Variants in TENM1 observed in about 807,000 individuals in gnomAD.
TENM1 encodes teneurin transmembrane protein 1.
A neutral mutation model predicts 174.8 loss-of-function variants in TENM1; 35 were observed. The ratio of observed to expected loss-of-function variants is 0.20; its 90% CI spans 0.15 to 0.27. The LOEUF is 0.27. TENM1 is among the 10% of genes least tolerant of loss of function. The pLI, the probability that TENM1 is intolerant of heterozygous loss-of-function variation, is 1.00. For missense variants in TENM1, 1,633 were observed against 2,130.1 expected (o/e 0.77, Z 4.59); for synonymous variants, 781 against 798.7 (o/e 0.98, Z 0.37).
intron 23 of TENM1, among the ~76,000 whole-genome samples, chrX:124,440,834 C>T (rs2060895425): frequency 9.0e-6 from 1 of 111,334 alleles, no homozygotes; most frequent in African/African-American, 3.3e-5. Flanking sequence ...AGAGTCTAAA[C>T]AACTCTTCCT....
chrX:125,088,588 T>G, the TENM1 span, among the ~76,000 whole-genome samples: 9 of 111,304 alleles, frequency 8.1e-5, no homozygotes, highest in Admixed American at 8.6e-4. Context: ...TTTTAAAATT[T>G]TTTTTAAAGA....
chrX:124,754,230 C>T (rs1381736332), intron 3 of TENM1, among the ~76,000 whole-genome samples: 48 of 111,115 alleles, frequency 4.3e-4, no homozygotes, highest in Non-Finnish European at 7.0e-4. Context: ...GTGTATGTGT[C>T]GAGGAATTTA....
intron 3 of TENM1, among the ~76,000 whole-genome samples, chrX:124,751,577 G>C (rs1307070678): frequency 9.2e-6 from 1 of 108,180 alleles, no homozygotes; most frequent in Non-Finnish European, 1.9e-5. Context: ...TGCCATGCTG[G>C]TGCGCTGCAC....
intron 27 of TENM1, among the ~76,000 whole-genome samples, chrX:124,402,764 A>G (rs751819021): frequency 6.3e-5 from 7 of 111,642 alleles, no homozygotes; most frequent in Non-Finnish European, 1.1e-4. Context: ...CTAAGAAATC[A>G]TGTCTTCAAT....
chrX:124,581,222 G>A (rs2858406), intron 11 of TENM1, among the ~76,000 whole-genome samples: 26,038 of 107,890 alleles, frequency 0.24, 2,465 homozygotes, highest in African/African-American at 0.34. Context: ...GTGCCACCAC[G>A]TCCGGCTAAT....
At chrX:124,413,395 T>C (rs1055108353) in intron 25 of TENM1, among the ~76,000 whole-genome samples, 2 of 110,627 alleles carry the variant, frequency 1.8e-5, no homozygotes, top group Non-Finnish European at 3.8e-5. Context: ...TCTCACTCCA[T>C]GTACTTGTTG....
At position 124,856,050 on chromosome X, in the gene TENM1, G is replaced by C. The variant is rs139545868; in HGVS notation, c.535+38246C>G. ...AGTTTCAGTTTGTTTTTTTTTAATAGGTCACCAACACATGTAATATTATCA... is the reference window on the plus strand; with the variant it reads ...AGTTTCAGTTTGTTTTTTTTTAATACGTCACCAACACATGTAATATTATCA... On this transcript the variant is annotated intron_variant, in intron 3 of 31. Transcript: ENST00000422452. Among the ~76,000 whole-genome samples, 5 of 109,998 alleles carry C rather than the reference G, an allele frequency of 4.5e-5. No homozygotes were observed. In the Admixed American group the frequency reaches 4.8e-4, roughly 11 times the overall value.
At chrX:124,383,399 TGTAAGA>T (rs958292974) in intron 30 of TENM1, among the ~76,000 whole-genome samples, 2 of 112,046 alleles carry the variant, frequency 1.8e-5, no homozygotes, top group Non-Finnish European at 3.8e-5. Flanking sequence ...CATATAAGCT[TGTAAGA>T]GTAAAACACA....
chrX:124,954,930 C>G (rs1264943067), intron 1 of TENM1, among the ~76,000 whole-genome samples: 1 of 111,664 alleles, frequency 9.0e-6, no homozygotes, highest in Non-Finnish European at 1.9e-5. Flanking sequence ...AGCACATAAC[C>G]CTGTCTCTCA....
chrX:124,454,968 C>G (rs2061088613), intron 22 of TENM1, among the ~76,000 whole-genome samples: 1 of 112,049 alleles, frequency 8.9e-6, no homozygotes, highest in Admixed American at 9.5e-5. Flanking sequence ...CAAACACACA[C>G]ACACATGAAT....
chrX:125,107,081 TGTTTA>T, the TENM1 span, among the ~76,000 whole-genome samples: 2 of 112,157 alleles, frequency 1.8e-5, no homozygotes, highest in Non-Finnish European at 3.8e-5. Flanking sequence ...CACGGTCTTA[TGTTTA>T]GTTAATCTGA....
At chrX:125,165,383 C>G in the TENM1 span, among the ~76,000 whole-genome samples, 5 of 111,797 alleles carry the variant, frequency 4.5e-5, no homozygotes, top group African/African-American at 1.3e-4. Context: ...AGATCTGAGA[C>G]ATTATTTCAT....
chrX:125,071,442 G>A, the TENM1 span, among the ~76,000 whole-genome samples: 1 of 111,670 alleles, frequency 9.0e-6, no homozygotes, highest in South Asian at 3.7e-4. Flanking sequence ...ATGAACTTGA[G>A]ACTCTGAAAA....
intron 23 of TENM1, among the ~76,000 whole-genome samples, chrX:124,443,709 G>A (rs1013942184): frequency 1.8e-5 from 2 of 111,662 alleles, no homozygotes; most frequent in East Asian, 5.6e-4. Context: ...CTTAGATGAG[G>A]AAATGATGTT....
exon 32 of TENM1, chrX:124,376,612 T>A (rs1266536591): frequency 8.9e-6 from 1 of 112,415 alleles, no homozygotes; most frequent in African/African-American, 3.2e-5. Context: ...TTTCTTCTTA[T>A]GAACAGTAGT....
chrX:124,538,052 A>C (rs771255884), intron 15 of TENM1, among the ~76,000 whole-genome samples: 2 of 112,220 alleles, frequency 1.8e-5, no homozygotes, highest in African/African-American at 6.5e-5. Flanking sequence ...AAGAAGTGAA[A>C]GTCTCACATT....
At chrX:125,062,188 A>G in the TENM1 span, among the ~76,000 whole-genome samples, 10 of 112,250 alleles carry the variant, frequency 8.9e-5, no homozygotes, top group East Asian at 2.8e-3. Flanking sequence ...CACTTAGAAT[A>G]GTTCCTGGCA....
At chrX:124,581,560 T>C (rs1006990872) in intron 11 of TENM1, among the ~76,000 whole-genome samples, 1 of 112,357 alleles carries the variant, frequency 8.9e-6, no homozygotes, top group Non-Finnish European at 1.9e-5. Context: ...TCCCCAGTAA[T>C]GGGACTGCTT....
At chrX:124,847,430 G>T (rs111572200) in intron 3 of TENM1, among the ~76,000 whole-genome samples, 1,176 of 111,707 alleles carry the variant, frequency 0.011, 12 homozygotes, top group African/African-American at 0.036. Flanking sequence ...ACTTTCAGCA[G>T]TGGCAGTGTA....
Sources: gnomAD v4.1 joint callset for allele counts (sites outside exome capture counted in the v4.1 genomes callset) on GRCh38, gnomAD v4.1.1 for gene constraint, MANE v1.5 for transcripts, NCBI Gene and HGNC (gene_info 2026-07-23, HGNC 2026-07-21) for gene names.